The following NMNAT2 variants were observed in gnomAD, a reference collection of about 807,000 sequenced individuals.
NMNAT2 encodes nicotinamide/nicotinic acid mononucleotide adenylyltransferase 2.
NMNAT2 carries 11 observed loss-of-function variants against 41.6 expected under a neutral mutation model. That is an observed-to-expected ratio of 0.26 (90% confidence interval 0.17 to 0.44). The LOEUF (loss-of-function observed/expected upper bound fraction) is 0.44, where lower values mean the gene tolerates loss of function less well. NMNAT2 is among the 20% of genes least tolerant of loss of function. The probability of loss-of-function intolerance (pLI) is 1.00; values close to 1 mark genes in which losing one functional copy is unlikely to be tolerated. For synonymous variants in NMNAT2, 148 were observed against 151.2 expected (o/e 0.98, Z 0.16); for missense variants, 288 against 407.7 (o/e 0.71, Z 2.53).
chr1:183,331,240 C>T (rs1311156133), intron 1 of NMNAT2, among the ~76,000 whole-genome samples: 1 of 116,804 alleles, frequency 8.6e-6, no homozygotes, highest in Non-Finnish European at 1.9e-5. Context: ...AGACATCAAT[C>T]AAGCTGCTGT....
intron 1 of NMNAT2, among the ~76,000 whole-genome samples, chr1:183,407,642 A>G (rs1648996342): frequency 6.6e-6 from 1 of 152,218 alleles, no homozygotes; most frequent in African/African-American, 2.4e-5. Flanking sequence ...TGAGGCATGG[A>G]CAGAAATAAC....
chr1:183,316,138 CTTGGGA>C lies in NMNAT2; in HGVS notation c.86-22351_86-22346del, dbSNP rs78061261. On this transcript the variant is annotated intron_variant, in intron 1 of 10. Coordinates refer to ENST00000287713, the MANE Select transcript of NMNAT2 (RefSeq NM_015039.4). ...GTTTGAGGCAGCGAGGCATGCTCTC[CTTGGGA>C]ATGGAGGTGACATCACAGGCCCAGA... Among the ~76,000 whole-genome samples, 163 of 152,270 alleles carry C rather than the reference CTTGGGA, an allele frequency of 1.1e-3. 1 individual carries two copies. The East Asian group carries it at 0.026, about 24-fold the overall frequency.
intron 1 of NMNAT2, among the ~76,000 whole-genome samples, chr1:183,362,702 A>G (rs1409070371): frequency 1.3e-5 from 2 of 152,160 alleles, no homozygotes; most frequent in African/African-American, 2.4e-5. Context: ...CCTTTTATCT[A>G]TTATGAATAA....
intron 1 of NMNAT2, among the ~76,000 whole-genome samples, chr1:183,353,847 C>G (rs1314121778): frequency 6.6e-6 from 1 of 152,070 alleles, no homozygotes; most frequent in Admixed American, 6.6e-5. Flanking sequence ...GGCTCATGAC[C>G]TACTTCTACT....
At chr1:183,413,146 GGATGATAATGGGGAA>G in intron 1 of NMNAT2, among the ~76,000 whole-genome samples, 2 of 152,304 alleles carry the variant, frequency 1.3e-5, no homozygotes. Flanking sequence ...TTCATGATTA[GGATGATAATGGGGAA>G]GATGATGATA....
At chr1:183,285,267 A>G (rs1174449516) in intron 5 of NMNAT2, among the ~76,000 whole-genome samples, 1 of 152,162 alleles carries the variant, frequency 6.6e-6, no homozygotes, top group Non-Finnish European at 1.5e-5. Flanking sequence ...CATTTTCTAT[A>G]TCATGAACAT....
At position 183,261,317 on chromosome 1, in the gene NMNAT2, G is replaced by A; in HGVS notation, c.652-14C>T. On this transcript the variant is annotated splice_polypyrimidine_tract_variant and intron_variant, in intron 8 of 10. Transcript: ENST00000287713. ...AATCACCTCCATCTAAAGAAACAGAGAGAGGGCCCTTTGGTGAAACCCTGA... is the reference window on the plus strand; with the variant it reads ...AATCACCTCCATCTAAAGAAACAGAAAGAGGGCCCTTTGGTGAAACCCTGA... 1 of 1,605,948 alleles carries A rather than the reference G, an allele frequency of 6.2e-7. No individual in the cohort carries two copies. The highest frequency in any genetic ancestry group is 2.0e-4 in the Middle Eastern group (1 of 4,882).
chr1:183,292,920 C>G (rs2102309541), intron 2 of NMNAT2, 63 bp from the exon 3 acceptor site: 1 of 1,439,142 alleles, frequency 6.9e-7, no homozygotes, highest in Non-Finnish European at 9.7e-7. Context: ...CCTTGGGATA[C>G]CAGCCCAAGC....
chr1:183,370,274 A>T (rs1663506037), intron 1 of NMNAT2, among the ~76,000 whole-genome samples: 1 of 145,918 alleles, frequency 6.9e-6, no homozygotes, highest in African/African-American at 2.6e-5. Flanking sequence ...ACACACACAC[A>T]CAGGCTGCAG....
chr1:183,353,100 G>A (rs757000694), intron 1 of NMNAT2, among the ~76,000 whole-genome samples: 3 of 152,004 alleles, frequency 2.0e-5, no homozygotes, highest in Non-Finnish European at 4.4e-5. Flanking sequence ...TCTGCCCTCC[G>A]AGTTCAAGTG....
intron 1 of NMNAT2, among the ~76,000 whole-genome samples, chr1:183,300,231 G>A (rs761465913): frequency 4.6e-5 from 7 of 151,966 alleles, no homozygotes; most frequent in African/African-American, 9.7e-5. Flanking sequence ...GTGAAACCCC[G>A]TCTGTACTAA....
At chr1:183,319,759 C>A (rs1352027493) in intron 1 of NMNAT2, among the ~76,000 whole-genome samples, 1 of 152,198 alleles carries the variant, frequency 6.6e-6, no homozygotes, top group African/African-American at 2.4e-5. Flanking sequence ...CTCCATCTGA[C>A]AAGAGTCAGA....
At chr1:183,291,064 A>C (rs1356638540) in intron 3 of NMNAT2, among the ~76,000 whole-genome samples, 1 of 152,132 alleles carries the variant, frequency 6.6e-6, no homozygotes, top group Non-Finnish European at 1.5e-5. Context: ...CTACAGGCAC[A>C]TGCCACCATG....
chr1:183,384,895 C>A (rs1454231456), intron 1 of NMNAT2, among the ~76,000 whole-genome samples: 1 of 151,906 alleles, frequency 6.6e-6, no homozygotes, highest in African/African-American at 2.4e-5. Context: ...AAGACCATTA[C>A]CAAATATGGA....
chr1:183,340,997 C>A (rs1662786852), intron 1 of NMNAT2, among the ~76,000 whole-genome samples: 1 of 152,232 alleles, frequency 6.6e-6, no homozygotes, highest in South Asian at 2.1e-4. Flanking sequence ...GAGGAGGCAA[C>A]ACCCGTCCTT....
rs571981893 is a variant in NMNAT2, at chr1:183,340,408, C to T, written c.86-46615G>A. ...CGCAATCTTGGCTCACTGCAATCTA[C>T]ACCTCCTGGGTTCAAGCAATTCTCC... On this transcript the variant is annotated intron_variant, in intron 1 of 10. Transcript: ENST00000287713. 2.0e-5 allele frequency among the ~76,000 whole-genome samples: 3 copies of T among 149,980 alleles called. No homozygotes were observed. In the East Asian group the frequency reaches 6.0e-4, roughly 30 times the overall value.
In NMNAT2 at chr1:183,286,798, G is replaced by A. The variant is rs188104667; in HGVS notation, c.322-10C>T. The A allele has an allele frequency of 5.0e-6, 8 of 1,606,462 alleles. No individual in the cohort carries two copies. The East Asian group carries it at 1.8e-4, about 36-fold the overall frequency. On this transcript the variant is annotated splice_polypyrimidine_tract_variant and intron_variant, in intron 4 of 10. Transcript: ENST00000287713. ...TGCAGCCAGTCACCCTCTAGGGAGAGAGAGAAGAGTGTTATTAGTCATGTG... is the reference window on the plus strand; with the variant it reads ...TGCAGCCAGTCACCCTCTAGGGAGAAAGAGAAGAGTGTTATTAGTCATGTG...
chr1:183,300,780 G>A (rs1661829766), intron 1 of NMNAT2, among the ~76,000 whole-genome samples: 1 of 152,224 alleles, frequency 6.6e-6, no homozygotes, highest in Non-Finnish European at 1.5e-5. Context: ...CAAGCTGGAG[G>A]AGTTAGATGC....
chr1:183,338,331 A>G (rs1317694438), intron 1 of NMNAT2, among the ~76,000 whole-genome samples: 1 of 149,200 alleles, frequency 6.7e-6, no homozygotes, highest in Non-Finnish European at 1.5e-5. Flanking sequence ...TTCTGAGATC[A>G]TTTATTCCAA....
Sources: gnomAD v4.1 joint callset for allele counts (sites outside exome capture counted in the v4.1 genomes callset) on GRCh38, gnomAD v4.1.1 for gene constraint, MANE v1.5 for transcripts, NCBI Gene and HGNC (gene_info 2026-07-23, HGNC 2026-07-21) for gene names.